CNBD1: variants seen among roughly 807,000 people sequenced by gnomAD.
CNBD1 encodes the protein cyclic nucleotide-binding domain-containing protein 1.
CNBD1 carries 71 observed loss-of-function variants against 54.4 expected under a neutral mutation model. The observed-to-expected ratio is 1.30, with a 90% CI of 1.08 to 1.59. The LOEUF (loss-of-function observed/expected upper bound fraction) is 1.59. CNBD1 is among the 40% of genes most tolerant of loss of function. The probability of loss-of-function intolerance (pLI) is 0.00; values close to 1 mark genes in which losing one functional copy is unlikely to be tolerated. For missense variants in CNBD1, 659 were observed against 518.0 expected (o/e 1.27, Z -2.64); for synonymous variants, 182 against 170.7 (o/e 1.07, Z -0.51).
At chr8:87,005,287 G>A (rs909481610) in intron 4 of CNBD1, among the ~76,000 whole-genome samples, 9 of 151,608 alleles carry the variant, frequency 5.9e-5, no homozygotes, top group African/African-American at 1.2e-4. Context: ...GGAGAATGGC[G>A]TGAACCCAGG....
intron 8 of CNBD1, among the ~76,000 whole-genome samples, chr8:87,327,679 C>G (rs1000950994): frequency 2.6e-5 from 4 of 152,150 alleles, no homozygotes; most frequent in Non-Finnish European, 4.4e-5. Flanking sequence ...GGTGCGCACA[C>G]CCACTGACCT....
At chr8:87,086,532 C>T (rs1811099502) in intron 4 of CNBD1, among the ~76,000 whole-genome samples, 1 of 152,116 alleles carries the variant, frequency 6.6e-6, no homozygotes, top group African/African-American at 2.4e-5. Context: ...TCAGAAAAGA[C>T]ATTATGTTGT....
At chr8:87,285,814 G>A (rs1220492725) in intron 7 of CNBD1, among the ~76,000 whole-genome samples, 1 of 152,214 alleles carries the variant, frequency 6.6e-6, no homozygotes, top group Admixed American at 6.6e-5. Flanking sequence ...AGTTTGTGGT[G>A]AGGAAAGATC....
intron 4 of CNBD1, among the ~76,000 whole-genome samples, chr8:87,184,481 C>A (rs370941372): frequency 1.3e-5 from 2 of 152,160 alleles, no homozygotes; most frequent in Non-Finnish European, 2.9e-5. Context: ...GCCTTTCCCA[C>A]GCCAAACCCT....
At chr8:87,194,141 C>A (rs1012846219) in intron 4 of CNBD1, among the ~76,000 whole-genome samples, 1 of 152,124 alleles carries the variant, frequency 6.6e-6, no homozygotes, top group Non-Finnish European at 1.5e-5. Flanking sequence ...ATGATTAATG[C>A]GCTTGAATCA....
chr8:86,911,289 G>A (rs1490410951), intron 3 of CNBD1, among the ~76,000 whole-genome samples: 1 of 152,128 alleles, frequency 6.6e-6, no homozygotes, highest in African/African-American at 2.4e-5. Context: ...GCTGCTTTTT[G>A]TTAAAAGGCA....
intron 5 of CNBD1, among the ~76,000 whole-genome samples, chr8:87,219,537 C>T (rs1294167084): frequency 6.6e-6 from 1 of 151,820 alleles, no homozygotes; most frequent in Admixed American, 6.6e-5. Flanking sequence ...GTATATATAG[C>T]CAGAATATAT....
intron 4 of CNBD1, among the ~76,000 whole-genome samples, chr8:86,992,687 A>G (rs1270916859): frequency 6.6e-6 from 1 of 151,828 alleles, no homozygotes; most frequent in African/African-American, 2.4e-5. Flanking sequence ...CTTAGACTCT[A>G]CTTGTCTGAG....
At chr8:86,873,103 G>GTTT (rs34594723) in intron 1 of CNBD1, among the ~76,000 whole-genome samples, 5 of 137,984 alleles carry the variant, frequency 3.6e-5, no homozygotes, top group Non-Finnish European at 7.9e-5. Context: ...TGTTGTTTTA[G>GTTT]TTTTTTTTTT....
intron 6 of CNBD1, among the ~76,000 whole-genome samples, chr8:87,246,136 T>C (rs2130834484): frequency 6.6e-6 from 1 of 152,246 alleles, no homozygotes; most frequent in East Asian, 1.9e-4. Context: ...ATTTTTAAAT[T>C]TTTCTGACAA....
intron 4 of CNBD1, among the ~76,000 whole-genome samples, chr8:86,945,852 G>A (rs763340839): frequency 1.1e-4 from 17 of 152,180 alleles, no homozygotes; most frequent in Admixed American, 2.6e-4. Context: ...TTCTAAAAGC[G>A]TGTCACGCTG....
chr8:87,379,228 G>A (rs935280913), intron 10 of CNBD1, among the ~76,000 whole-genome samples: 1 of 151,912 alleles, frequency 6.6e-6, no homozygotes, highest in South Asian at 2.1e-4. Context: ...TCCCTGTCTT[G>A]TGAAAGTCCT....
chr8:87,340,154 A>T lies in CNBD1; in HGVS notation c.1043-11531A>T, dbSNP rs923939683. 2.6e-5 allele frequency among the ~76,000 whole-genome samples: 4 copies of T among 152,208 alleles called. No individual in the cohort carries two copies. In the East Asian group the frequency reaches 7.7e-4, roughly 29 times the overall value. ...TTCGAAGGATAGTTTTGCTGCATCTAATTATATTTGTTGATGGCACTTTTC... is the reference window on the plus strand; with the variant it reads ...TTCGAAGGATAGTTTTGCTGCATCTTATTATATTTGTTGATGGCACTTTTC... On this transcript the variant is annotated intron_variant, in intron 8 of 10. Coordinates refer to ENST00000518476, the MANE Select transcript of CNBD1 (RefSeq NM_173538.3).
chr8:87,395,295 A>C (rs1376346642), intron 2 of CNBD1, among the ~76,000 whole-genome samples: 1 of 151,904 alleles, frequency 6.6e-6, no homozygotes, highest in Non-Finnish European at 1.5e-5. Context: ...ATATTGGCAT[A>C]GTATATATTT....
At chr8:87,050,245 A>G (rs752440940) in intron 4 of CNBD1, among the ~76,000 whole-genome samples, 2 of 152,208 alleles carry the variant, frequency 1.3e-5, no homozygotes, top group Non-Finnish European at 2.9e-5. Context: ...GAAAGGGGAA[A>G]GGAGGTAATG....
intron 1 of CNBD1, among the ~76,000 whole-genome samples, chr8:86,868,323 GTATTTATT>G (rs561217445): frequency 7.9e-5 from 12 of 152,014 alleles, no homozygotes; most frequent in Admixed American, 7.9e-4. Flanking sequence ...TTCTCTGTAA[GTATTTATT>G]TATTTATTTA....
intron 2 of CNBD1, among the ~76,000 whole-genome samples, chr8:87,405,529 G>A (rs6468814): frequency 0.55 from 83,266 of 151,920 alleles, 23,887 homozygotes; most frequent in African/African-American, 0.71. Context: ...GCAATAATTC[G>A]TAAGTGGTTT....
At chr8:87,172,708 T>A (rs568620207) in intron 4 of CNBD1, among the ~76,000 whole-genome samples, 1 of 152,176 alleles carries the variant, frequency 6.6e-6, no homozygotes, top group Non-Finnish European at 1.5e-5. Flanking sequence ...CTTTTTTTCA[T>A]TTCCATTGGC....
At chr8:87,009,448 G>A (rs527958174) in intron 4 of CNBD1, among the ~76,000 whole-genome samples, 7 of 151,878 alleles carry the variant, frequency 4.6e-5, no homozygotes, top group Non-Finnish European at 7.4e-5. Flanking sequence ...CTACAGGCAC[G>A]TGCCACAACA....
Sources: gnomAD v4.1 joint callset for allele counts (sites outside exome capture counted in the v4.1 genomes callset) on GRCh38, gnomAD v4.1.1 for gene constraint, MANE v1.5 for transcripts, NCBI Gene and HGNC (gene_info 2026-07-23, HGNC 2026-07-21) for gene names.